ARHGEF4: variants seen among roughly 807,000 people sequenced by gnomAD.
ARHGEF4 encodes APC-stimulated guanine nucleotide exchange factor 1.
Under a neutral mutation model 162.0 loss-of-function variants are expected in ARHGEF4, and 119 were observed. The ratio of observed to expected loss-of-function variants is 0.73; its 90% CI spans 0.63 to 0.86. The LOEUF (loss-of-function observed/expected upper bound fraction) is 0.86. ARHGEF4 is among the 40% of genes least tolerant of loss of function. The pLI, the probability that ARHGEF4 is intolerant of heterozygous loss-of-function variation, is 0.00. For missense variants in ARHGEF4, 2,488 were observed against 2,456.0 expected, an observed-to-expected ratio of 1.01 and a Z score of -0.28; for synonymous variants, 1,014 against 979.9, an observed-to-expected ratio of 1.03 and a Z score of -0.65.
intron 2 of ARHGEF4, among the ~76,000 whole-genome samples, chr2:130,920,137 C>T (rs1470530462): frequency 6.6e-6 from 1 of 152,066 alleles, no homozygotes; most frequent in South Asian, 2.1e-4. Flanking sequence ...GATTCAGCGT[C>T]TTGCTCTGTC....
intron 1 of ARHGEF4, among the ~76,000 whole-genome samples, chr2:130,912,601 TG>T (rs768665836): frequency 6.6e-6 from 1 of 152,068 alleles, no homozygotes; most frequent in East Asian, 2.0e-4. Flanking sequence ...GAGGGGCCGG[TG>T]GGGTGAATGG....
chr2:130,983,173 G>A (rs1000201422), intron 4 of ARHGEF4, among the ~76,000 whole-genome samples: 11 of 152,140 alleles, frequency 7.2e-5, no homozygotes, highest in African/African-American at 2.7e-4. Context: ...ATTTTTAGCA[G>A]TTTATCTAGA....
At chr2:130,921,333 A>G (rs1315304916) in intron 2 of ARHGEF4, among the ~76,000 whole-genome samples, 1 of 152,088 alleles carries the variant, frequency 6.6e-6, no homozygotes. Flanking sequence ...GAATCATCAT[A>G]ACACATTGTA....
intron 4 of ARHGEF4, among the ~76,000 whole-genome samples, chr2:130,992,656 A>T (rs762064505): frequency 1.3e-5 from 2 of 152,236 alleles, no homozygotes; most frequent in African/African-American, 2.4e-5. Context: ...CTGCGGCTTC[A>T]TTCTTAAAGT....
At chr2:130,864,613 A>G (rs1415758191) in intron 1 of ARHGEF4, among the ~76,000 whole-genome samples, 1 of 152,158 alleles carries the variant, frequency 6.6e-6, no homozygotes, top group African/African-American at 2.4e-5. Context: ...AATCTCAGCT[A>G]CTCAGGAAAC....
chr2:130,851,759 T>A (rs1366545100), intron 1 of ARHGEF4, among the ~76,000 whole-genome samples: 1 of 152,178 alleles, frequency 6.6e-6, no homozygotes, highest in African/African-American at 2.4e-5. Flanking sequence ...TCCCGGGGCC[T>A]CCATGGACAC....
intron 5 of ARHGEF4, among the ~76,000 whole-genome samples, chr2:131,032,803 C>T (rs1039556861): frequency 1.4e-5 from 2 of 148,096 alleles, no homozygotes; most frequent in Non-Finnish European, 3.0e-5. Context: ...CCTCAAGGGC[C>T]TAGGCCTTTG....
rs1681520405 is a variant in ARHGEF4, at chr2:130,916,711, C to T, written c.2765C>T (p.Ser922Leu). 6.4e-7 allele frequency: 1 copy of T among 1,550,632 alleles called. No homozygotes were observed. Among genetic ancestry groups the T allele is most frequent in the Non-Finnish European group, 8.7e-7 (1 of 1,147,010 alleles). Residue 922 changes from serine (S) to leucine (L), a missense_variant, in exon 2 of 14, where the codon TCA becomes TTA. Physicochemically the swap from Ser to Leu is moderately radical, Grantham distance 145. Transcript: ENST00000409359. ...AAGACCTTTTCAAACTTTATTGAGT[C>T]AATAGTTCTAGAGAAAGAGAACACC... ...AHKTFSNFIE[S>L]IVLEKENTHE... is the part of the protein sequence containing the mutation.
At position 130,995,036 on chromosome 2, in the gene ARHGEF4, C is replaced by T. The variant is rs901580678; in HGVS notation, c.3986-32909C>T. Among the ~76,000 whole-genome samples the T allele has an allele frequency of 4.6e-5, 7 of 152,376 alleles. No individual in the cohort carries two copies. The South Asian group carries it at 1.4e-3, about 32-fold the overall frequency. ...GTTATTTGAAATTTTACTCAGCTTA[C>T]AGTCCATAGGGATTCTTGGATTCAT... On this transcript the variant is annotated intron_variant, in intron 4 of 13. Transcript: ENST00000409359.
intron 2 of ARHGEF4, among the ~76,000 whole-genome samples, chr2:130,926,052 T>TTCTTTCTCTCTCTC (rs1559043887): frequency 1.4e-4 from 14 of 98,386 alleles, no homozygotes; most frequent in African/African-American, 5.7e-4. Flanking sequence ...TTCTTTCTCT[T>TTCTTTCTCTCTCTC]TCTTTCTTTC....
chr2:130,953,282 A>T (rs1371202671), intron 4 of ARHGEF4, among the ~76,000 whole-genome samples: 1 of 152,194 alleles, frequency 6.6e-6, no homozygotes, highest in African/African-American at 2.4e-5. Context: ...TCTTTGACAA[A>T]CCTGACAAAA....
intron 1 of ARHGEF4, among the ~76,000 whole-genome samples, chr2:130,903,348 T>A (rs977750530): frequency 6.6e-6 from 1 of 151,214 alleles, no homozygotes. Flanking sequence ...AACCTCTCCC[T>A]CCCGGGGTTC....
intron 11 of ARHGEF4, 149 bp downstream of exon 11, chr2:131,043,732 C>T: frequency 1.2e-6 from 1 of 845,724 alleles, no homozygotes; most frequent in Non-Finnish European, 1.6e-6. Flanking sequence ...TGGGGTGGCT[C>T]TCTGCAGGTG....
chr2:131,016,321 C>T (rs1218894705), intron 4 of ARHGEF4, among the ~76,000 whole-genome samples: 1 of 152,216 alleles, frequency 6.6e-6, no homozygotes, highest in African/African-American at 2.4e-5. Context: ...CAGAACCCTG[C>T]GTGTGTCTGT....
intron 1 of ARHGEF4, among the ~76,000 whole-genome samples, chr2:130,856,192 A>T (rs986838939): frequency 6.6e-6 from 1 of 152,232 alleles, no homozygotes; most frequent in African/African-American, 2.4e-5. Context: ...TATGGAAAAT[A>T]TAACGACCAA....
At chr2:130,897,075 C>T (rs1470761522) in intron 1 of ARHGEF4, among the ~76,000 whole-genome samples, 1 of 152,182 alleles carries the variant, frequency 6.6e-6, no homozygotes. Context: ...GCAGTGAAAG[C>T]GTAAATGCTA....
chr2:130,967,901 G>C (rs1252098138), intron 4 of ARHGEF4, among the ~76,000 whole-genome samples: 1 of 152,192 alleles, frequency 6.6e-6, no homozygotes, highest in Non-Finnish European at 1.5e-5. Flanking sequence ...CCCTCCTGTG[G>C]AATCACATGG....
At position 131,035,122 on chromosome 2, in the gene ARHGEF4, C is replaced by A. The variant is rs1370093081; in HGVS notation, c.4126-3731C>A. 4 of 1,162,272 alleles carry A rather than the reference C, an allele frequency of 3.4e-6. No individual in the cohort carries two copies. The African/African-American group carries it at 6.5e-5, about 19-fold the overall frequency. 72.0% of individuals were successfully genotyped at this position (1,162,272 alleles called of 1,614,324 possible). On this transcript the variant is annotated intron_variant, in intron 5 of 13. Coordinates refer to ENST00000409359, the MANE Select transcript of ARHGEF4 (RefSeq NM_001367493.1). ...GAGGGCCCCGCAGCCCCGGCGCGGC[C>A]CCGCGGCGCCCGGGAACGCCCTGCG...
intron 1 of ARHGEF4, among the ~76,000 whole-genome samples, chr2:130,880,159 A>G (rs918261243): frequency 2.0e-5 from 3 of 152,212 alleles, no homozygotes; most frequent in African/African-American, 7.2e-5. Context: ...CCAGGGTCAC[A>G]GCTGGCGGAG....
Sources: gnomAD v4.1 joint callset for allele counts (sites outside exome capture counted in the v4.1 genomes callset) on GRCh38, gnomAD v4.1.1 for gene constraint, MANE v1.5 for transcripts, NCBI Gene and HGNC (gene_info 2026-07-23, HGNC 2026-07-21) for gene names.